The following CUX1 variants were observed in gnomAD, a reference collection of about 807,000 sequenced individuals.
CUX1 encodes the protein protein CASP.
A neutral mutation model predicts 158.8 loss-of-function variants in CUX1; 31 were observed. The observed-to-expected ratio is 0.20, with a 90% CI of 0.15 to 0.26. The LOEUF is 0.26. Ranked by LOEUF, CUX1 falls within the 10% of genes least tolerant of loss-of-function variation. CUX1 has a pLI of 1.00. For missense variants in CUX1, 1,589 were observed against 2,014.6 expected (o/e 0.79, Z 4.04); for synonymous variants, 879 against 862.1 (o/e 1.02, Z -0.34).
intron 1 of CUX1, among the ~76,000 whole-genome samples, chr7:101,902,532 C>T (rs1471047223): frequency 6.6e-6 from 1 of 152,184 alleles, no homozygotes; most frequent in African/African-American, 2.4e-5. Flanking sequence ...CACTGGCTAC[C>T]ATTTTGGATA....
At chr7:102,080,489 G>A (rs541541906) in intron 4 of CUX1, among the ~76,000 whole-genome samples, 4 of 152,240 alleles carry the variant, frequency 2.6e-5, no homozygotes, top group Admixed American at 2.0e-4. Context: ...TGATGTCATC[G>A]CGGGGACGGT....
At chr7:102,170,181 A>T (rs2131682284) in intron 9 of CUX1, among the ~76,000 whole-genome samples, 1 of 152,352 alleles carries the variant, frequency 6.6e-6, no homozygotes, top group East Asian at 1.9e-4. Context: ...TGGGAAATTC[A>T]GTGGGCCGGA....
At chr7:101,872,023 A>C (rs1229866059) in intron 1 of CUX1, among the ~76,000 whole-genome samples, 17 of 151,512 alleles carry the variant, frequency 1.1e-4, no homozygotes, top group African/African-American at 3.1e-4. Flanking sequence ...ATCCCCCCAA[A>C]AAAAAAAAAA....
chr7:102,155,420 C>A (rs1554504916), intron 8 of CUX1, among the ~76,000 whole-genome samples: 1 of 151,594 alleles, frequency 6.6e-6, no homozygotes, highest in East Asian at 1.9e-4. Context: ...CTGGCGTACA[C>A]CACTAGTCCC....
At chr7:101,968,353 C>A (rs1811483113) in intron 2 of CUX1, among the ~76,000 whole-genome samples, 1 of 152,170 alleles carries the variant, frequency 6.6e-6, no homozygotes, top group African/African-American at 2.4e-5. Context: ...CAACCCTCTG[C>A]AGACTTGCTG....
chr7:101,956,005 AC>A (rs1268643450), intron 2 of CUX1, among the ~76,000 whole-genome samples: 1 of 151,896 alleles, frequency 6.6e-6, no homozygotes, highest in African/African-American at 2.4e-5. Context: ...ACACGGTGAA[AC>A]CCCGTCTCTA....
At chr7:101,824,153 A>G (rs1300360732) in intron 1 of CUX1, among the ~76,000 whole-genome samples, 1 of 152,100 alleles carries the variant, frequency 6.6e-6, no homozygotes, top group Non-Finnish European at 1.5e-5. Flanking sequence ...AGTGGCACAA[A>G]CTCCGCTCAC....
chr7:101,892,833 C>A (rs1303012259), intron 1 of CUX1, among the ~76,000 whole-genome samples: 2 of 151,880 alleles, frequency 1.3e-5, no homozygotes, highest in African/African-American at 4.8e-5. Context: ...GATGAAAGGC[C>A]CCCAAAATTA....
rs919885573 is a variant in CUX1 at position 102,256,574 on chromosome 7, G to C, written c.*7532G>C. On this transcript the variant is annotated 3_prime_UTR_variant, in exon 24 of 24. Transcript: ENST00000292535. ...CAGAGTAGCCACTCAAAAACTGGTGGTCTCTATGTGTCTAACTTTTTAAAT... is the reference window on the plus strand; with the variant it reads ...CAGAGTAGCCACTCAAAAACTGGTGCTCTCTATGTGTCTAACTTTTTAAAT... 10 of 985,272 alleles carry C rather than the reference G, an allele frequency of 1.0e-5. No individual in the cohort carries two copies. The highest frequency in any genetic ancestry group is 1.2e-5 in the Non-Finnish European group (10 of 829,920). The allele number at this position is 985,272 out of a possible 1,614,324, so 61.0% of individuals were successfully genotyped here.
Position 102,254,230 on chromosome 7 carries a change from C to G in CUX1, c.*5188C>G. Reference sequence around the variant, plus strand: ...GAGGGTCTTGTCTTTGGTCCGCCTTCCTTTCTGTCCAGTCCTGCTCAGCTG... The same window carrying G: ...GAGGGTCTTGTCTTTGGTCCGCCTTGCTTTCTGTCCAGTCCTGCTCAGCTG... On this transcript the variant is annotated 3_prime_UTR_variant, in exon 24 of 24. Transcript: ENST00000292535. 1.0e-6 allele frequency: 1 copy of G among 985,510 alleles called. No individual in the cohort carries two copies. Among genetic ancestry groups the G allele is most frequent in the Non-Finnish European group, 1.2e-6 (1 of 830,004 alleles). 61.0% of individuals were successfully genotyped at this position (985,510 alleles called of 1,614,324 possible).
chr7:102,125,384 C>T (rs1306315050), intron 8 of CUX1: 2 of 152,316 alleles, frequency 1.3e-5, no homozygotes, highest in African/African-American at 4.8e-5. Flanking sequence ...GAGGCCCAGC[C>T]TGGAACATTC....
intron 2 of CUX1, chr7:101,959,587 A>G (rs1810208871): frequency 6.6e-6 from 1 of 152,188 alleles, no homozygotes; most frequent in Non-Finnish European, 1.5e-5. Context: ...ACGTGAAGAA[A>G]TCATGGCAGC....
intron 1 of CUX1, among the ~76,000 whole-genome samples, chr7:101,877,413 A>G (rs567392964): frequency 6.6e-6 from 1 of 152,300 alleles, no homozygotes; most frequent in South Asian, 2.1e-4. Context: ...CAGGCCAGGT[A>G]CAGTGGCTCA....
At chr7:102,097,853 C>T (rs1366801097) in intron 5 of CUX1, among the ~76,000 whole-genome samples, 2 of 152,236 alleles carry the variant, frequency 1.3e-5, no homozygotes, top group Non-Finnish European at 2.9e-5. Flanking sequence ...AGCTCATGAT[C>T]AAAGGGTCAC....
chr7:102,172,229 C>A (rs1261793894), intron 10 of CUX1, among the ~76,000 whole-genome samples: 1 of 152,162 alleles, frequency 6.6e-6, no homozygotes, highest in African/African-American at 2.4e-5. Context: ...CTAGCTGGAG[C>A]TGCAGGCGCA....
At chr7:102,137,811 C>CTTTTTTTTTTTTTT in intron 8 of CUX1, among the ~76,000 whole-genome samples, 1 of 152,020 alleles carries the variant, frequency 6.6e-6, no homozygotes, top group African/African-American at 2.4e-5. Context: ...TTTAGCATTT[C>CTTTTTTTTTTTTTT]TTATTTCTCC....
intron 6 of CUX1, among the ~76,000 whole-genome samples, chr7:102,110,047 G>A (rs2131055264): frequency 1.3e-5 from 2 of 152,244 alleles, no homozygotes; most frequent in South Asian, 4.1e-4. Flanking sequence ...AAGTGAATAA[G>A]GGACCCCAGA....
chr7:102,073,161 C>CTTTCTTTTTTT (rs1585537579), intron 4 of CUX1, among the ~76,000 whole-genome samples: 2 of 47,082 alleles, frequency 4.2e-5, no homozygotes, highest in East Asian at 1.0e-3. Context: ...AATCTCTTTT[C>CTTTCTTTTTTT]TTTCTTTTTT....
At chr7:102,213,232 G>T (rs1554523646) in intron 20 of CUX1, among the ~76,000 whole-genome samples, 1 of 152,230 alleles carries the variant, frequency 6.6e-6, no homozygotes, top group African/African-American at 2.4e-5. Flanking sequence ...GGGTACTCCT[G>T]GTGCCGCAGT....
Sources: allele counts gnomAD v4.1 joint callset (sites outside exome capture counted in the v4.1 genomes callset), GRCh38; gene constraint gnomAD v4.1.1; transcripts MANE v1.5; gene names NCBI Gene and HGNC (gene_info 2026-07-23, HGNC 2026-07-21).